The following ONECUT3 variants were observed in gnomAD, a reference collection of about 807,000 sequenced individuals.
The protein encoded by ONECUT3 is one cut homeobox 3.
ONECUT3 carries 11 observed loss-of-function variants against 16.8 expected under a neutral mutation model. That is an observed-to-expected ratio of 0.66 (90% confidence interval 0.41 to 1.09). The LOEUF (loss-of-function observed/expected upper bound fraction) is 1.09. Ranked by LOEUF, ONECUT3 falls within the 50% of genes least tolerant of loss-of-function variation. The pLI, the probability that ONECUT3 is intolerant of heterozygous loss-of-function variation, is 0.00. For missense variants in ONECUT3, 637 were observed against 629.9 expected (o/e 1.01, Z -0.12); for synonymous variants, 344 against 310.7 (o/e 1.11, Z -1.13).
rs1209899976 is a variant in ONECUT3, at chr19:1,780,530, G to C, written c.*5085G>C. On this transcript the variant is annotated 3_prime_UTR_variant, in exon 2 of 2. Transcript: ENST00000382349. Reference sequence around the variant, plus strand: ...GCTTTTGGGACAGGCCCCAGTAGGGGGGGGCGGGGTAGCTAAACGGGGTGC... The same window carrying C: ...GCTTTTGGGACAGGCCCCAGTAGGGCGGGGCGGGGTAGCTAAACGGGGTGC... 6.6e-6 allele frequency: 1 copy of C among 152,300 alleles called. No individual in the cohort carries two copies. The highest frequency in any genetic ancestry group is 1.5e-5 in the Non-Finnish European group (1 of 68,112). 9.4% of individuals were successfully genotyped at this position (152,300 alleles called of 1,614,324 possible). A position where few individuals can be genotyped will look rare whatever the true frequency, so the allele number is the denominator to read the frequency against.
At chr19:1,768,694 C>T (rs570317799) in intron 1 of ONECUT3, among the ~76,000 whole-genome samples, 12 of 152,184 alleles carry the variant, frequency 7.9e-5, no homozygotes, top group African/African-American at 2.2e-4. Flanking sequence ...CTAGGAGAAT[C>T]CCAGGATGGG....
Position 1,766,678 on chromosome 19 carries a change from C to G in ONECUT3, c.1193-8475C>G, listed in dbSNP as rs12978599. 0.37 allele frequency among the ~76,000 whole-genome samples: 55,923 copies of G among 151,508 alleles called. 10,547 individuals carry two copies. Among genetic ancestry groups the G allele is most frequent in the African/African-American group, 0.44 (18,321 of 41,256 alleles). On this transcript the variant is annotated intron_variant, in intron 1 of 1. Coordinates refer to ENST00000382349, the MANE Select transcript of ONECUT3 (RefSeq NM_001080488.2). The surrounding 1 kb of genome is among the most constrained non-coding windows in gnomAD (Gnocchi z 4.0). ...GCCCCAGCTTGGGTTGCAGCAATGA[C>G]TGAATTCAGGGCCCCTACTCAGCTA...
rs1461650842 is a variant in ONECUT3, at chr19:1,775,412, C to A, written c.1452C>A (p.Pro484=). ...AGCCCAGCACGGCCCCCGGGGGCCC[C>A]GCCGGCGCCACGGCCACTTTCTCCA... The part of the protein sequence containing the change: ...AEEPSTAPGG[P]AGATATFSKA Residue 484 remains proline (P), a synonymous_variant, in exon 2 of 2, where the codon CCC becomes CCA. Transcript: ENST00000382349. 2.0e-6 allele frequency: 3 copies of A among 1,528,164 alleles called. No individual in the cohort carries two copies. The highest frequency in any genetic ancestry group is 2.9e-5 in the African/African-American group (2 of 69,946). 94.7% of individuals were successfully genotyped at this position (1,528,164 alleles called of 1,614,324 possible). A position where few individuals can be genotyped will look rare whatever the true frequency, so the allele number is the denominator to read the frequency against.
At position 1,754,204 on chromosome 19, in the gene ONECUT3, T is replaced by C; in HGVS notation, c.542T>C (p.Val181Ala). 1 of 1,136,308 alleles carries C rather than the reference T, an allele frequency of 8.8e-7. No homozygotes were observed. The highest frequency in any genetic ancestry group is 1.1e-6 in the Non-Finnish European group (1 of 917,154). The allele number at this position is 1,136,308 out of a possible 1,614,324, so 70.4% of individuals were successfully genotyped here. A position where few individuals can be genotyped will look rare whatever the true frequency, so the allele number is the denominator to read the frequency against. ...MRDERAALASVGHLYGPYGKE... is the reference protein window; with the variant it reads ...MRDERAALASAGHLYGPYGKE... ...GACGAGCGGGCGGCGCTCGCCTCCG[T>C]GGGCCACCTCTACGGACCCTACGGC... The change falls in exon 1 of 2, where the codon GTG becomes GCG. Residue 181 changes from valine (V) to alanine (A), a missense_variant. Val to Ala is a moderately conservative substitution (Grantham distance 64). Coordinates refer to ENST00000382349, the MANE Select transcript of ONECUT3 (RefSeq NM_001080488.2). This position sits in a 1 kb window ranked among gnomAD's most constrained non-coding sequence, Gnocchi z 7.4.
At position 1,779,376 on chromosome 19, in the gene ONECUT3, G is replaced by A. The variant is rs2068137495; in HGVS notation, c.*3931G>A. On this transcript the variant is annotated 3_prime_UTR_variant, in exon 2 of 2. Coordinates refer to ENST00000382349, the MANE Select transcript of ONECUT3 (RefSeq NM_001080488.2). The stretch of plus-strand genomic sequence containing the variant: ...GTTTACAGATTTCTTATTTAAATGA[G>A]TCCTTTAGGAAAGAAAGGAAGAGAG... 1 of 151,956 alleles carries A rather than the reference G, an allele frequency of 6.6e-6. No homozygotes were observed. Among genetic ancestry groups the A allele is most frequent in the South Asian group, 2.1e-4 (1 of 4,808 alleles). The allele number at this position is 151,956 out of a possible 1,614,324, so 9.4% of individuals were successfully genotyped here.
rs769481068 is a variant in ONECUT3, at chr19:1,754,571, C to T, written c.909C>T (p.Gly303=). 3.6e-4 allele frequency: 412 copies of T among 1,142,494 alleles called. 3 individuals are homozygous for T. In the African/African-American group the frequency reaches 6.1e-3, roughly 17 times the overall value. 70.8% of individuals were successfully genotyped at this position (1,142,494 alleles called of 1,614,324 possible). The stretch of plus-strand genomic sequence containing the variant: ...CGCACGGGCCGCACGGGGGAGGCGG[C>T]GGCCCCGGCGGGAGCGGCGGCGGCC... ...AGAHGPHGGG[G]GPGGSGGGPS... is the part of the protein sequence containing the mutation. The change falls in exon 1 of 2, where the codon GGC becomes GGT. Residue 303 remains glycine (G), a synonymous_variant. Transcript: ENST00000382349. The surrounding 1 kb of genome is among the most constrained non-coding windows in gnomAD (Gnocchi z 7.4).
At chr19:1,761,552 C>A (rs899725426) in intron 1 of ONECUT3, among the ~76,000 whole-genome samples, 1 of 152,322 alleles carries the variant, frequency 6.6e-6, no homozygotes, top group African/African-American at 2.4e-5. Flanking sequence ...CCGGTGGGAC[C>A]AGCAGGGACA....
rs1386852492 is a variant in ONECUT3 at position 1,775,362 on chromosome 19, C to G, written c.1402C>G (p.Arg468Gly). 2 of 1,537,224 alleles carry G rather than the reference C, an allele frequency of 1.3e-6. No individual in the cohort carries two copies. The highest frequency in any genetic ancestry group is 1.4e-5 in the African/African-American group (1 of 71,892). ...VSNFFMNARR[R>G]CMNRWAEEPS... ...CAACTTCTTCATGAACGCGCGGCGCCGCTGCATGAACCGCTGGGCTGAGGA... is the reference window on the plus strand; with the variant it reads ...CAACTTCTTCATGAACGCGCGGCGCGGCTGCATGAACCGCTGGGCTGAGGA... Residue 468 changes from arginine to glycine, a missense_variant, in exon 2 of 2, where the codon CGC becomes GGC. Transcript: ENST00000382349.
chr19:1,766,092 G>T lies in ONECUT3; in HGVS notation c.1193-9061G>T, dbSNP rs1600347321. Reference sequence around the variant, plus strand: ...CCAGAACTGGAACAGCTTTCCTAACGGTCACAGGTTTCTTAGCTTCTCACT... The same window carrying T: ...CCAGAACTGGAACAGCTTTCCTAACTGTCACAGGTTTCTTAGCTTCTCACT... On this transcript the variant is annotated intron_variant, in intron 1 of 1. Transcript: ENST00000382349. This position sits in a 1 kb window ranked among gnomAD's most constrained non-coding sequence, Gnocchi z 4.0. Among the ~76,000 whole-genome samples the T allele has an allele frequency of 1.3e-5, 2 of 152,336 alleles. No homozygotes were observed. The highest frequency in any genetic ancestry group is 2.1e-4 in the South Asian group (1 of 4,828).
chr19:1,762,499 C>G lies in ONECUT3; in HGVS notation c.1192+7645C>G, dbSNP rs1313621475. Among the ~76,000 whole-genome samples the G allele has an allele frequency of 6.6e-6, 1 of 152,264 alleles. No homozygotes were observed. The highest frequency in any genetic ancestry group is 2.4e-5 in the African/African-American group (1 of 41,470). ...TTCCATCACCCAGCAAACGCCGTCC[C>G]GCAGCACCCGGGAAGCTGCGGAGTC... On this transcript the variant is annotated intron_variant, in intron 1 of 1. Coordinates refer to ENST00000382349, the MANE Select transcript of ONECUT3 (RefSeq NM_001080488.2). This position sits in a 1 kb window ranked among gnomAD's most constrained non-coding sequence, Gnocchi z 4.4.
rs2067901752 is a variant in ONECUT3, at chr19:1,753,867, G to A, written c.205G>A (p.Gly69Ser). The A allele has an allele frequency of 1.0e-6, 1 of 977,062 alleles. No individual in the cohort carries two copies. The highest frequency in any genetic ancestry group is 4.5e-5 in the South Asian group (1 of 22,036). 60.5% of individuals were successfully genotyped at this position (977,062 alleles called of 1,614,324 possible). A position where few individuals can be genotyped will look rare whatever the true frequency, so the allele number is the denominator to read the frequency against. The part of the protein sequence containing the change: ...GGGGGGAGGA[G>S]GAGSAGGGAD... ...CGGCGGTGGGGGCGCCGGGGGCGCG[G>A]GCGGCGCGGGCAGCGCGGGCGGCGG... Residue 69 changes from glycine to serine, a missense_variant, in exon 1 of 2, where the codon GGC becomes AGC. Transcript: ENST00000382349.
chr19:1,773,285 C>T (rs566299046), intron 1 of ONECUT3, among the ~76,000 whole-genome samples: 80 of 151,388 alleles, frequency 5.3e-4, no homozygotes, highest in African/African-American at 1.9e-3. Flanking sequence ...TCTCTCTCTC[C>T]CTCTCTTTTT....
chr19:1,776,517 C>T lies in ONECUT3; in HGVS notation c.*1072C>T, dbSNP rs1302921832. The T allele has an allele frequency of 6.6e-6, 1 of 152,254 alleles. No individual in the cohort carries two copies. 9.4% of individuals were successfully genotyped at this position (152,254 alleles called of 1,614,324 possible). Reference sequence around the variant, plus strand: ...GGGTTGAACGTGGTGTTGGTTTCCACTCTCGCCAAAGAGAGAAGACGCCGA... The same window carrying T: ...GGGTTGAACGTGGTGTTGGTTTCCATTCTCGCCAAAGAGAGAAGACGCCGA... On this transcript the variant is annotated 3_prime_UTR_variant, in exon 2 of 2. Transcript: ENST00000382349. The surrounding 1 kb of genome is among the most constrained non-coding windows in gnomAD (Gnocchi z 4.9).
intron 1 of ONECUT3, among the ~76,000 whole-genome samples, chr19:1,767,132 T>C (rs2067999524): frequency 6.6e-6 from 1 of 152,150 alleles, no homozygotes; most frequent in Middle Eastern, 3.4e-3. Context: ...TCCAGGAAGA[T>C]CCTGAGAGAA....
rs181379604 is a variant in ONECUT3 at position 1,780,789 on chromosome 19, T to G, written c.*5344T>G. On this transcript the variant is annotated 3_prime_UTR_variant, in exon 2 of 2. Transcript: ENST00000382349. ...CACGCAGGGGCTGGTTTTGGTGGAA[T>G]GAGCTCAGCCGGGGGTGACGGAAGA... 1 of 152,202 alleles carries G rather than the reference T, an allele frequency of 6.6e-6. No homozygotes were observed. Among genetic ancestry groups the G allele is most frequent in the Admixed American group, 6.5e-5 (1 of 15,284 alleles). 9.4% of individuals were successfully genotyped at this position (152,202 alleles called of 1,614,324 possible).
Position 1,759,368 on chromosome 19 carries a change from T to G in ONECUT3, c.1192+4514T>G, listed in dbSNP as rs375040952. Among the ~76,000 whole-genome samples the G allele has an allele frequency of 4.6e-5, 7 of 151,256 alleles. No homozygotes were observed. Among genetic ancestry groups the G allele is most frequent in the African/African-American group, 1.7e-4 (7 of 41,136 alleles). On this transcript the variant is annotated intron_variant, in intron 1 of 1. Coordinates refer to ENST00000382349, the MANE Select transcript of ONECUT3 (RefSeq NM_001080488.2). The surrounding 1 kb of genome is among the most constrained non-coding windows in gnomAD (Gnocchi z 4.1). ...CGCTGCCACCATCAAGGGCTGAGGT[T>G]GAAATGGGCGAGGCAATCTGGGAGT...
Position 1,754,207 on chromosome 19 carries a change from GC to G in ONECUT3, c.547del (p.His183ThrfsTer152). On this transcript the variant is annotated frameshift_variant, in exon 1 of 2. Coordinates refer to ENST00000382349, the MANE Select transcript of ONECUT3 (RefSeq NM_001080488.2). LOFTEE classifies it high-confidence loss of function. This position sits in a 1 kb window ranked among gnomAD's most constrained non-coding sequence, Gnocchi z 7.4. ...GAGCGGGCGGCGCTCGCCTCCGTGG[GC>G]CACCTCTACGGACCCTACGGCAAGG... is the stretch of plus-strand genomic sequence containing the variant. ...RDERAALASV[G>X]HLYGPYGKEL... 8.6e-7 allele frequency: 1 copy of G among 1,167,876 alleles called. No homozygotes were observed. Among genetic ancestry groups the G allele is most frequent in the Non-Finnish European group, 1.1e-6 (1 of 936,938 alleles). The allele number at this position is 1,167,876 out of a possible 1,614,324, so 72.3% of individuals were successfully genotyped here.
Position 1,778,889 on chromosome 19 carries a change from C to CACACACACACACACACACACACAT in ONECUT3, c.*3467_*3468insTACACACACACACACACACACACA, listed in dbSNP as rs2068133065. On this transcript the variant is annotated 3_prime_UTR_variant, in exon 2 of 2. Transcript: ENST00000382349. The stretch of plus-strand genomic sequence containing the variant: ...TATCACACACACACACACACACACA[C>CACACACACACACACACACACACAT]ACACACACACACACACACACACACC... 1 of 150,878 alleles carries CACACACACACACACACACACACAT rather than the reference C, an allele frequency of 6.6e-6. No homozygotes were observed. The highest frequency in any genetic ancestry group is 2.5e-5 in the African/African-American group (1 of 40,656). 9.3% of individuals were successfully genotyped at this position (150,878 alleles called of 1,614,324 possible).
At chr19:1,771,562 G>A (rs1401928329) in intron 1 of ONECUT3, among the ~76,000 whole-genome samples, 1 of 152,184 alleles carries the variant, frequency 6.6e-6, no homozygotes, top group Admixed American at 6.5e-5. Context: ...TCCTTTGCAT[G>A]ACATCTGGCT....
Sources: gnomAD v4.1 joint callset for allele counts (sites outside exome capture counted in the v4.1 genomes callset) on GRCh38, gnomAD v4.1.1 for gene constraint, Gnocchi (gnomAD v3.1) non-coding constraint, MANE v1.5 for transcripts, NCBI Gene and HGNC (gene_info 2026-07-23, HGNC 2026-07-21) for gene names.